The following PLEC variants were observed in gnomAD, a reference collection of about 807,000 sequenced individuals.
The protein encoded by PLEC is hemidesmosomal protein 1.
Under a neutral mutation model 392.8 loss-of-function variants are expected in PLEC, and 216 were observed. The ratio of observed to expected loss-of-function variants is 0.55; its 90% CI spans 0.49 to 0.62. PLEC has a LOEUF of 0.62. PLEC is among the 20% of genes least tolerant of loss of function. The probability of loss-of-function intolerance (pLI) is 0.00; values close to 1 mark genes in which losing one functional copy is unlikely to be tolerated. For synonymous variants in PLEC, 3,621 were observed against 2,980.6 expected (o/e 1.21, Z -7.00); for missense variants, 6,863 against 6,563.4 (o/e 1.05, Z -1.58).
chr8:143,934,528 C>T (rs1554720952), intron 10 of PLEC, 83 bp from the exon 11 acceptor site: 2 of 1,598,996 alleles, frequency 1.3e-6, no homozygotes, highest in African/African-American at 1.3e-5. Flanking sequence ...GCCCACCAGA[C>T]CTGGGACAGC....
rs375813239 is a variant in PLEC at position 143,920,810 on chromosome 8, T to G, written c.9011A>C (p.Glu3004Ala). The change falls in exon 32 of 32, where the codon GAG becomes GCG. Residue 3004 changes from glutamate (E) to alanine (A), a missense_variant. Physicochemically the swap from Glu to Ala is moderately radical, Grantham distance 107. Coordinates refer to ENST00000345136, the MANE Select transcript of PLEC (RefSeq NM_201384.3). ...RELYQQLQRGERSVRDVAEVD... is the reference protein window; with the variant it reads ...RELYQQLQRGARSVRDVAEVD... ...CTCGGCTACGTCTCGCACAGAGCGC[T>G]CACCTCGCTGCAGCTGCTGGTAGAG... 17 of 1,608,044 alleles carry G rather than the reference T, an allele frequency of 1.1e-5. No homozygotes were observed. Among genetic ancestry groups the G allele is most frequent in the Non-Finnish European group, 1.4e-5 (16 of 1,179,920 alleles).
intron 1 of PLEC, among the ~76,000 whole-genome samples, chr8:143,947,043 C>G (rs1302267022): frequency 6.6e-6 from 1 of 152,202 alleles, no homozygotes; most frequent in African/African-American, 2.4e-5. Flanking sequence ...CCCTTAGAAG[C>G]CTGCCGGCGA....
chr8:143,946,034 C>A (rs1554732019), intron 1 of PLEC, among the ~76,000 whole-genome samples: 1 of 152,274 alleles, frequency 6.6e-6, no homozygotes, highest in Non-Finnish European at 1.5e-5. Flanking sequence ...TTTCAGCCCA[C>A]TCCCTGCCAC....
Position 143,925,621 on chromosome 8 carries a change from C to T in PLEC, c.4308G>A (p.Lys1436=), listed in dbSNP as rs782483974. Reference sequence around the variant, plus strand: ...GCTCAGCCGCCTCTGCCTGCCGGGCCTTGGCCTGGATCTCCGCCTCCGAGC... The same window carrying T: ...GCTCAGCCGCCTCTGCCTGCCGGGCTTTGGCCTGGATCTCCGCCTCCGAGC... ...RQSSEAEIQA[K]ARQAEAAERS... Residue 1436 remains lysine (K), a synonymous_variant, in exon 31 of 32, where the codon AAG becomes AAA. Transcript: ENST00000345136. 2.5e-6 allele frequency: 4 copies of T among 1,583,520 alleles called. No individual in the cohort carries two copies. The East Asian group carries it at 9.1e-5, about 36-fold the overall frequency.
upstream of PLEC, chr8:143,973,588 C>A: frequency 1.0e-6 from 1 of 964,954 alleles, no homozygotes; most frequent in Non-Finnish European, 1.2e-6. The surrounding 1 kb of genome is among the most constrained non-coding windows in gnomAD (Gnocchi z 5.6). Flanking sequence ...CCCGCCCCGC[C>A]CCCGCACCCA....
Position 143,920,098 on chromosome 8 carries a change from G to T in PLEC, c.9723C>A (p.Val3241=). The T allele has an allele frequency of 6.2e-7, 1 of 1,613,118 alleles. No homozygotes were observed. Residue 3241 remains valine, a synonymous_variant, in exon 32 of 32, where the codon GTC becomes GTA. Coordinates refer to ENST00000345136, the MANE Select transcript of PLEC (RefSeq NM_201384.3). ...RETFEKTPVE[V]PVGGFKGRTV... ...TCCTGCCCTTGAAGCCACCCACGGG[G>T]ACCTCAACCGGGGTCTTTTCAAAGG...
At position 143,930,423 on chromosome 8, in the gene PLEC, G is replaced by A; in HGVS notation, c.2418C>T (p.Arg806=). 6.4e-7 allele frequency: 1 copy of A among 1,572,300 alleles called. No individual in the cohort carries two copies. Among genetic ancestry groups the A allele is most frequent in the Non-Finnish European group, 8.6e-7 (1 of 1,160,470 alleles). ...AGTCGCACACGGCCAGCAGGGGCAG[G>A]CGGCCCCGCATGGGGTGGGCTGGGT... The part of the protein sequence containing the change: ...PRHPAHPMRG[R]LPLLAVCDYK... The change falls in exon 20 of 32, where the codon CGC becomes CGT. Residue 806 remains arginine, a synonymous_variant. Coordinates refer to ENST00000345136, the MANE Select transcript of PLEC (RefSeq NM_201384.3).
Position 143,919,152 on chromosome 8 carries a change from C to T in PLEC, c.10669G>A (p.Val3557Met), listed in dbSNP as rs782483854. 22 of 1,613,486 alleles carry T rather than the reference C, an allele frequency of 1.4e-5. No homozygotes were observed. In the South Asian group the frequency reaches 2.3e-4, roughly 17 times the overall value. ...EKAEVVETTQ[V>M]YTEEETRRAF... is the part of the protein sequence containing the mutation. ...CTTCTTGTCTCCTCCTCAGTGTACA[C>T]CTGCGTGGTCTCCACCACCTCAGCC... The change falls in exon 32 of 32, where the codon GTG (valine) becomes ATG (methionine). Residue 3557 changes from valine (V) to methionine (M), a missense_variant. By Grantham distance (21) the Val-to-Met change is conservative. Transcript: ENST00000345136.
At chr8:143,962,870 A>G (rs1554741258) in intron 1 of PLEC, among the ~76,000 whole-genome samples, 1 of 152,226 alleles carries the variant, frequency 6.6e-6, no homozygotes, top group Non-Finnish European at 1.5e-5. Flanking sequence ...GGAAGGAACT[A>G]TTAAGCAAAA....
At position 143,916,040 on chromosome 8, in the gene PLEC, A is replaced by G; in HGVS notation, c.*137T>C. Reference sequence around the variant, plus strand: ...CTGTCTGGACAGCAGATATATATTAATATATTAGTCTGGTCTTTTTGGTTA... The same window carrying G: ...CTGTCTGGACAGCAGATATATATTAGTATATTAGTCTGGTCTTTTTGGTTA... On this transcript the variant is annotated 3_prime_UTR_variant, in exon 32 of 32. Transcript: ENST00000345136. 5.0e-6 allele frequency: 3 copies of G among 594,218 alleles called. No individual in the cohort carries two copies. The highest frequency in any genetic ancestry group is 8.6e-6 in the Non-Finnish European group (3 of 346,972). 36.8% of individuals were successfully genotyped at this position (594,218 alleles called of 1,614,324 possible).
chr8:143,935,107 G>A lies in PLEC; in HGVS notation c.729C>T (p.Val243=), dbSNP rs573371265. ...TGATGGACTTCTCGTCGGGCTGAGG[G>A]ACATCCACGTCTGCAGGGAAGGGCA... The part of the protein sequence containing the change: ...TRLLDPEDVD[V]PQPDEKSIIT... The change falls in exon 8 of 32, where the codon GTC becomes GTT. Residue 243 remains valine, a synonymous_variant. Transcript: ENST00000345136. The A allele has an allele frequency of 1.0e-4, 168 of 1,612,988 alleles. No homozygotes were observed. The South Asian group carries it at 1.3e-3, about 12-fold the overall frequency.
rs201031796 is a variant in PLEC, at chr8:143,916,578, C to T, written c.13243G>A (p.Gly4415Ser). The change falls in exon 32 of 32, where the codon GGC becomes AGC. Residue 4415 changes from glycine to serine, a missense_variant. Coordinates refer to ENST00000345136, the MANE Select transcript of PLEC (RefSeq NM_201384.3). ...RVPLDEALQR[G>S]TVDARTAQKL... ...TGTGCGGTGCGGGCGTCCACCGTGC[C>T]GCGCTGCAGGGCCTCGTCCAGGGGC... The T allele has an allele frequency of 3.6e-5, 58 of 1,611,496 alleles. No homozygotes were observed. Among genetic ancestry groups the T allele is most frequent in the African/African-American group, 3.5e-4 (26 of 75,020 alleles).
chr8:143,944,772 G>A, intron 1 of PLEC: 1 of 1,181,230 alleles, frequency 8.5e-7, no homozygotes, highest in Non-Finnish European at 1.1e-6. Context: ...TCGGGTGGGA[G>A]GAGGGCACGG....
Position 143,932,113 on chromosome 8 carries a change from T to C in PLEC, c.2082+17A>G, listed in dbSNP as rs2131882482. ...ACGGCCCCCCCCGCAGCCCCGCCCC[T>C]ACCCAGGGAGCCCCACCTCCACCGT... is the stretch of plus-strand genomic sequence containing the variant. On this transcript the variant is annotated intron_variant, in intron 17 of 31. Coordinates refer to ENST00000345136, the MANE Select transcript of PLEC (RefSeq NM_201384.3). The C allele has an allele frequency of 6.7e-7, 1 of 1,501,226 alleles. No homozygotes were observed. The allele number at this position is 1,501,226 out of a possible 1,614,324, so 93.0% of individuals were successfully genotyped here.
intron 1 of PLEC, among the ~76,000 whole-genome samples, chr8:143,970,419 C>T (rs1373766917): frequency 6.6e-6 from 1 of 152,058 alleles, no homozygotes; most frequent in African/African-American, 2.4e-5. Context: ...GGAGAGAGCA[C>T]ACGGATTTGG....
chr8:143,927,633 C>A lies in PLEC; in HGVS notation c.3533G>T (p.Arg1178Leu). The A allele has an allele frequency of 6.3e-7, 1 of 1,586,358 alleles. No individual in the cohort carries two copies. The highest frequency in any genetic ancestry group is 1.1e-5 in the South Asian group (1 of 89,038). Residue 1178 changes from arginine to leucine, a missense_variant, in exon 27 of 32, where the codon CGG becomes CTG. Physicochemically the swap from Arg to Leu is moderately radical, Grantham distance 102. Transcript: ENST00000345136. ...CTCAAGCAACTGGGCGACCCGCTCC[C>A]GCCAGCGCTCCACCTCCACGTCCCG... ...GERDVEVERW[R>L]ERVAQLLERW...
At chr8:143,954,961 C>T (rs1443223385), upstream of PLEC, among the ~76,000 whole-genome samples, 4 of 152,164 alleles carry the variant, frequency 2.6e-5, no homozygotes, top group South Asian at 8.3e-4. The surrounding 1 kb of genome is among the most constrained non-coding windows in gnomAD (Gnocchi z 4.6). Context: ...GCATGGAGGA[C>T]GTGACCATGA....
chr8:143,944,029 C>T (rs1831022672), upstream of PLEC: 2 of 1,334,668 alleles, frequency 1.5e-6, no homozygotes, highest in Non-Finnish European at 2.0e-6. Context: ...CAGGACCGCC[C>T]CATACGCGGC....
At position 143,921,849 on chromosome 8, in the gene PLEC, G is replaced by A; in HGVS notation, c.7972C>T (p.Leu2658=). ...GLRRKVSAQR[L]QEAGILSAEE... is the part of the protein sequence containing the mutation. ...GCACTCAGGATGCCGGCCTCCTGCA[G>A]CCTCTGAGCTGACACCTTCCGCCGC... Residue 2658 remains leucine (L), a synonymous_variant, in exon 32 of 32, where the codon CTG becomes TTG. Transcript: ENST00000345136. 6.2e-7 allele frequency: 1 copy of A among 1,605,042 alleles called. No individual in the cohort carries two copies. Among genetic ancestry groups the A allele is most frequent in the Non-Finnish European group, 8.5e-7 (1 of 1,179,760 alleles).
Sources: allele counts gnomAD v4.1 joint callset (sites outside exome capture counted in the v4.1 genomes callset), GRCh38; gene constraint gnomAD v4.1.1; non-coding constraint Gnocchi (gnomAD v3.1); transcripts MANE v1.5; gene names NCBI Gene and HGNC (gene_info 2026-07-23, HGNC 2026-07-21).